Variants in HERC3 observed in about 807,000 individuals in gnomAD.
The protein encoded by HERC3 is HECT and RLD domain containing E3 ubiquitin protein ligase 3.
HERC3 carries 58 observed loss-of-function variants against 129.9 expected under a neutral mutation model. That is an observed-to-expected ratio of 0.45 (90% CI 0.36 to 0.56). The LOEUF is 0.56. Ranked by LOEUF, HERC3 falls within the 20% of genes least tolerant of loss-of-function variation. HERC3 has a pLI of 0.00. For missense variants in HERC3, 835 were observed against 1,244.2 expected (o/e 0.67, Z 4.95); for synonymous variants, 430 against 451.0 (o/e 0.95, Z 0.59).
rs549495066 is a variant in HERC3, at chr4:88,678,532, A to G, written c.2196+398A>G. On this transcript the variant is annotated intron_variant, in intron 19 of 25. Transcript: ENST00000402738. ...AGGAAAATGGAAAGGTAGTAAAATC[A>G]TCTGGGAAGCTATTGGCCTATTATG... Among the ~76,000 whole-genome samples, 6 of 152,338 alleles carry G rather than the reference A, an allele frequency of 3.9e-5. No homozygotes were observed. The East Asian group carries it at 1.2e-3, about 29-fold the overall frequency.
At chr4:88,633,008 A>G (rs747537830) in intron 3 of HERC3, among the ~76,000 whole-genome samples, 6 of 152,210 alleles carry the variant, frequency 3.9e-5, no homozygotes, top group Non-Finnish European at 8.8e-5. Flanking sequence ...AACACATTAC[A>G]TATAAGGAAA....
At chr4:88,528,535 G>C in the HERC3 span, among the ~76,000 whole-genome samples, 1 of 152,080 alleles carries the variant, frequency 6.6e-6, no homozygotes, top group Non-Finnish European at 1.5e-5. Context: ...TTAGTCTCTG[G>C]CCTCTGTGTC....
the HERC3 span, among the ~76,000 whole-genome samples, chr4:88,568,657 AG>A: frequency 6.6e-6 from 1 of 152,062 alleles, no homozygotes; most frequent in African/African-American, 2.4e-5. Flanking sequence ...TCAAGGACCA[AG>A]GGCTCTTTAG....
chr4:88,677,412 A>G (rs573861974), intron 18 of HERC3, among the ~76,000 whole-genome samples: 30 of 152,240 alleles, frequency 2.0e-4, no homozygotes, highest in Non-Finnish European at 3.7e-4. Context: ...TACCATTGGT[A>G]GATACAGATA....
At chr4:88,654,185 A>C in intron 7 of HERC3, 52 bp downstream of exon 7, 3 of 1,245,902 alleles carry the variant, frequency 2.4e-6, no homozygotes, top group Non-Finnish European at 3.5e-6. Context: ...ATGGGTGATT[A>C]GAATTGCTTG....
chr4:88,611,899 A>C (rs1292694890), intron 3 of HERC3, among the ~76,000 whole-genome samples: 1 of 152,220 alleles, frequency 6.6e-6, no homozygotes, highest in Non-Finnish European at 1.5e-5. Flanking sequence ...GTTAAAATGC[A>C]AACAACCCTG....
intron 3 of HERC3, among the ~76,000 whole-genome samples, chr4:88,643,182 A>G (rs1159861442): frequency 6.6e-6 from 1 of 152,210 alleles, no homozygotes; most frequent in Non-Finnish European, 1.5e-5. Context: ...TTAACAAAAC[A>G]TATATAAGAT....
intron 3 of HERC3, among the ~76,000 whole-genome samples, chr4:88,646,229 CTCATA>C (rs1195520099): frequency 6.6e-6 from 1 of 152,150 alleles, no homozygotes; most frequent in African/African-American, 2.4e-5. Flanking sequence ...ACCCCCTAGA[CTCATA>C]TCATCCTTCT....
chr4:88,638,354 G>A (rs1333782749), intron 3 of HERC3, among the ~76,000 whole-genome samples: 1 of 152,166 alleles, frequency 6.6e-6, no homozygotes, highest in Non-Finnish European at 1.5e-5. Flanking sequence ...TAAAATACTG[G>A]CAAACCAAAT....
chr4:88,533,991 C>G, the HERC3 span, among the ~76,000 whole-genome samples: 1 of 152,218 alleles, frequency 6.6e-6, no homozygotes, highest in African/African-American at 2.4e-5. Context: ...CCCATTCCTC[C>G]TTCTTCTCCA....
Position 88,704,471 on chromosome 4 carries a change from C to T in HERC3, c.2842-37C>T, listed in dbSNP as rs376704720. The T allele has an allele frequency of 3.2e-4, 452 of 1,414,244 alleles. 1 individual carries two copies. Among genetic ancestry groups the T allele is most frequent in the Non-Finnish European group, 4.3e-4 (431 of 1,000,356 alleles). The allele number at this position is 1,414,244 out of a possible 1,614,324, so 87.6% of individuals were successfully genotyped here. ...TATAATGTCCACTATAATATTCTTC[C>T]AAGATACATTTTTTTCTTTTTCTCT... On this transcript the variant is annotated intron_variant, in intron 24 of 25. Transcript: ENST00000402738.
chr4:88,645,817 G>A (rs1184725124), intron 3 of HERC3, among the ~76,000 whole-genome samples: 1 of 152,102 alleles, frequency 6.6e-6, no homozygotes, highest in Non-Finnish European at 1.5e-5. Flanking sequence ...CTGATCGCAG[G>A]TAACTGAAAC....
At chr4:88,674,023 T>G (rs115325539) in intron 16 of HERC3, among the ~76,000 whole-genome samples, 17 of 152,278 alleles carry the variant, frequency 1.1e-4, no homozygotes, top group African/African-American at 3.9e-4. Context: ...GTTTTGGATT[T>G]CTTCCCAGCC....
rs548108197 is a variant in HERC3, at chr4:88,672,612, G to A, written c.1911+2360G>A. 5.3e-5 allele frequency among the ~76,000 whole-genome samples: 8 copies of A among 152,314 alleles called. No individual in the cohort carries two copies. In the East Asian group the frequency reaches 1.2e-3, roughly 22 times the overall value. ...GCTTGTTAATAGCTGAGGCTGTGTA[G>A]TATATTATTGAGCACATGCTCCAGT... is the stretch of plus-strand genomic sequence containing the variant. On this transcript the variant is annotated intron_variant, in intron 16 of 25. Transcript: ENST00000402738.
At chr4:88,612,749 A>C (rs913947317) in intron 3 of HERC3, among the ~76,000 whole-genome samples, 2 of 152,154 alleles carry the variant, frequency 1.3e-5, no homozygotes, top group Admixed American at 6.5e-5. Flanking sequence ...ATTTTCTAAG[A>C]CATAAAGTTA....
intron 21 of HERC3, among the ~76,000 whole-genome samples, chr4:88,682,099 C>T (rs1313403605): frequency 6.6e-6 from 1 of 152,162 alleles, no homozygotes; most frequent in Non-Finnish European, 1.5e-5. Context: ...ATCCATTCAT[C>T]AGTTGATGGA....
intron 5 of HERC3, 121 bp from the exon 6 acceptor site, chr4:88,652,748 C>G (rs1729427265): frequency 1.0e-6 from 1 of 1,001,780 alleles, no homozygotes; most frequent in African/African-American, 1.6e-5. Flanking sequence ...ATCTCTGTTC[C>G]TTTGCTCTTG....
the HERC3 span, chr4:88,527,172 A>G: frequency 2.0e-5 from 3 of 152,204 alleles, no homozygotes; most frequent in African/African-American, 4.8e-5. Context: ...GGGCACAAGT[A>G]GCTTGAAATT....
intron 3 of HERC3, among the ~76,000 whole-genome samples, chr4:88,636,244 A>G (rs1479607131): frequency 6.6e-6 from 1 of 152,188 alleles, no homozygotes; most frequent in Non-Finnish European, 1.5e-5. Context: ...GCTGTATTCA[A>G]GAGACCCATC....
Sources: allele counts gnomAD v4.1 joint callset (sites outside exome capture counted in the v4.1 genomes callset), GRCh38; gene constraint gnomAD v4.1.1; transcripts MANE v1.5; gene names NCBI Gene and HGNC (gene_info 2026-07-23, HGNC 2026-07-21).